Variants in GALK2 observed in about 807,000 individuals in gnomAD.
The protein encoded by GALK2 is N-acetylgalactosamine kinase.
In GALK2, 36 loss-of-function variants were observed where a neutral mutation model predicts 52.4. That is an observed-to-expected ratio of 0.69 (90% CI 0.53 to 0.91). GALK2 has a LOEUF of 0.91. Among genes scored for constraint, GALK2 ranks in the 40% least tolerant of loss-of-function variants. GALK2 has a pLI of 0.00. For synonymous variants in GALK2, 176 were observed against 199.1 expected (o/e 0.88, Z 0.98); for missense variants, 579 against 559.1 (o/e 1.04, Z -0.36).
At chr15:49,265,556 C>G (rs940580644) in intron 5 of GALK2, among the ~76,000 whole-genome samples, 2 of 152,242 alleles carry the variant, frequency 1.3e-5, no homozygotes, top group Admixed American at 6.5e-5. Context: ...TGTTTTGGCT[C>G]GCGCGCAGTG....
intron 3 of GALK2, chr15:49,366,365 C>G: frequency 1.3e-6 from 1 of 789,776 alleles, no homozygotes; most frequent in Non-Finnish European, 2.3e-6. Context: ...TTCAGCACCT[C>G]TTTTCTGTGC....
At chr15:49,313,372 G>A (rs2141921113) in intron 8 of GALK2, among the ~76,000 whole-genome samples, 1 of 152,336 alleles carries the variant, frequency 6.6e-6, no homozygotes, top group Middle Eastern at 3.4e-3. Flanking sequence ...GCTTTCTAGA[G>A]AGCCAGATTC....
In GALK2 at chr15:49,331,617, G is replaced by T. The variant is rs1017457844; in HGVS notation, c.*3458G>T. ...GAGTTGTCACTAAATATGTAAAACAGATTTTCTTACATGTGCATGTAGATG... is the reference window on the plus strand; with the variant it reads ...GAGTTGTCACTAAATATGTAAAACATATTTTCTTACATGTGCATGTAGATG... On this transcript the variant is annotated 3_prime_UTR_variant, in exon 10 of 10. Transcript: ENST00000560031. The T allele has an allele frequency of 1.8e-6, 1 of 567,970 alleles. No individual in the cohort carries two copies. The highest frequency in any genetic ancestry group is 3.1e-6 in the Non-Finnish European group (1 of 319,910). 35.2% of individuals were successfully genotyped at this position (567,970 alleles called of 1,614,324 possible). A position where few individuals can be genotyped will look rare whatever the true frequency, so the allele number is the denominator to read the frequency against.
chr15:49,322,647 C>T (rs191316568), intron 9 of GALK2, among the ~76,000 whole-genome samples: 2 of 152,182 alleles, frequency 1.3e-5, no homozygotes, highest in East Asian at 3.9e-4. Context: ...GCAGTCTATT[C>T]TCTACTTTCA....
chr15:49,225,203 A>G (rs1398551058), intron 3 of GALK2: 1 of 455,906 alleles, frequency 2.2e-6, no homozygotes, highest in Non-Finnish European at 4.4e-6. Context: ...TTCTTTAATT[A>G]GGTCTTCCGG....
At chr15:49,192,793 C>T (rs1192617582) in intron 1 of GALK2, among the ~76,000 whole-genome samples, 1 of 151,446 alleles carries the variant, frequency 6.6e-6, no homozygotes, top group African/African-American at 2.4e-5. Context: ...GGCTGAACAT[C>T]TTTTCATATG....
intron 1 of GALK2, among the ~76,000 whole-genome samples, chr15:49,186,961 C>G (rs1441752078): frequency 2.0e-5 from 3 of 152,182 alleles, no homozygotes; most frequent in Admixed American, 6.5e-5. Flanking sequence ...TTGGTGATGT[C>G]ATATTTTCCT....
At chr15:49,179,460 G>A (rs967027085) in intron 1 of GALK2, among the ~76,000 whole-genome samples, 6 of 152,116 alleles carry the variant, frequency 3.9e-5, no homozygotes, top group Non-Finnish European at 7.4e-5. Flanking sequence ...TGGGGGACTT[G>A]CCCAAGGTCA....
chr15:49,181,501 CTTTT>C (rs370757144), intron 1 of GALK2, among the ~76,000 whole-genome samples: 3 of 113,624 alleles, frequency 2.6e-5, no homozygotes, highest in African/African-American at 3.3e-5. Context: ...AAAAAAAAGA[CTTTT>C]TTTTTTTTTT....
intron 5 of GALK2, among the ~76,000 whole-genome samples, chr15:49,260,123 A>C (rs1411298151): frequency 6.6e-6 from 1 of 152,086 alleles, no homozygotes; most frequent in Non-Finnish European, 1.5e-5. Flanking sequence ...GTGAAATGGT[A>C]TTTCTAGTTC....
chr15:49,335,099 G>A (rs1730247123), downstream of GALK2, among the ~76,000 whole-genome samples: 1 of 152,122 alleles, frequency 6.6e-6, no homozygotes, highest in South Asian at 2.1e-4. Flanking sequence ...TTTTCTGCTA[G>A]TCTTCCAGGG....
intron 1 of GALK2, chr15:49,194,346 G>T (rs1217497276): frequency 6.6e-6 from 1 of 151,810 alleles, no homozygotes; most frequent in African/African-American, 2.4e-5. Context: ...ATTTACCTTT[G>T]TGTCATGATT....
At chr15:49,354,726 G>A (rs1203517338) in intron 3 of GALK2, among the ~76,000 whole-genome samples, 1 of 152,182 alleles carries the variant, frequency 6.6e-6, no homozygotes, top group Non-Finnish European at 1.5e-5. Context: ...CTCGAACTGG[G>A]TGGAGCCCAC....
At chr15:49,255,657 G>GACAATTATTTTCATTTCAATTATTTTGAT (rs1566982900) in intron 5 of GALK2, among the ~76,000 whole-genome samples, 10 of 105,660 alleles carry the variant, frequency 9.5e-5, no homozygotes, top group Non-Finnish European at 1.4e-4. Context: ...GAGATAGGTA[G>GACAATTATTTTCATTTCAATTATTTTGAT]AGATCTGCTG....
At chr15:49,264,527 C>T (rs1488839557) in intron 5 of GALK2, among the ~76,000 whole-genome samples, 5 of 152,312 alleles carry the variant, frequency 3.3e-5, no homozygotes, top group East Asian at 1.9e-4. Context: ...GTCCTCCCAA[C>T]GTAGCTCAGA....
chr15:49,357,368 A>G (rs1234790012), intron 3 of GALK2, among the ~76,000 whole-genome samples: 1 of 149,794 alleles, frequency 6.7e-6, no homozygotes, highest in Non-Finnish European at 1.5e-5. Context: ...AGAGAGAAGA[A>G]TCAAATAGAC....
chr15:49,366,487 A>G, intron 3 of GALK2: 2 of 1,174,402 alleles, frequency 1.7e-6, no homozygotes, highest in South Asian at 1.2e-5. Flanking sequence ...CGGAAGTCAG[A>G]TTCATCAAAC....
chr15:49,360,178 ATG>A (rs1048988163), intron 3 of GALK2, among the ~76,000 whole-genome samples: 2 of 151,486 alleles, frequency 1.3e-5, no homozygotes, highest in African/African-American at 2.4e-5. Context: ...AGCATGGCAC[ATG>A]TATACATATG....
intron 2 of GALK2, among the ~76,000 whole-genome samples, chr15:49,207,909 A>C (rs2088447188): frequency 6.6e-6 from 1 of 152,088 alleles, no homozygotes. Flanking sequence ...AGTAGCTAGG[A>C]TTACAGGCAC....
Sources: allele counts gnomAD v4.1 joint callset (sites outside exome capture counted in the v4.1 genomes callset), GRCh38; gene constraint gnomAD v4.1.1; transcripts MANE v1.5; gene names NCBI Gene and HGNC (gene_info 2026-07-23, HGNC 2026-07-21).